The following PLXNA2 variants were observed in gnomAD, a reference collection of about 807,000 sequenced individuals.
PLXNA2 encodes plexin-A2.
Under a neutral mutation model 193.5 loss-of-function variants are expected in PLXNA2, and 91 were observed. That is an observed-to-expected ratio of 0.47 (90% CI 0.40 to 0.56). PLXNA2 has a LOEUF of 0.56. PLXNA2 is among the 20% of genes least tolerant of loss of function. The probability of loss-of-function intolerance (pLI) is 0.00; values close to 1 mark genes in which losing one functional copy is unlikely to be tolerated. For synonymous variants in PLXNA2, 997 were observed against 1,027.3 expected, an observed-to-expected ratio of 0.97 and a Z score of 0.56; for missense variants, 1,995 against 2,503.2, an observed-to-expected ratio of 0.80 and a Z score of 4.33.
At chr1:208,122,317 T>A (rs1422838604) in intron 4 of PLXNA2, among the ~76,000 whole-genome samples, 1 of 152,192 alleles carries the variant, frequency 6.6e-6, no homozygotes, top group African/African-American at 2.4e-5. Flanking sequence ...TCTATCATGC[T>A]TTGGAGAATA....
chr1:208,122,211 C>G (rs538898890), intron 4 of PLXNA2, among the ~76,000 whole-genome samples: 1 of 152,218 alleles, frequency 6.6e-6, no homozygotes, highest in Non-Finnish European at 1.5e-5. Flanking sequence ...ATCAGACCAA[C>G]AGATGAGATC....
At chr1:208,046,442 GGAAGA>G (rs1465116993) in intron 17 of PLXNA2, among the ~76,000 whole-genome samples, 13 of 152,226 alleles carry the variant, frequency 8.5e-5, no homozygotes, top group African/African-American at 3.1e-4. Flanking sequence ...ATCTAGTCCT[GGAAGA>G]GGGCCTGGGG....
At chr1:208,118,128 A>G (rs1482233012) in intron 4 of PLXNA2, among the ~76,000 whole-genome samples, 3 of 152,214 alleles carry the variant, frequency 2.0e-5, no homozygotes, top group African/African-American at 7.2e-5. Flanking sequence ...CCTCACTAGC[A>G]TATTGTCATG....
intron 1 of PLXNA2, among the ~76,000 whole-genome samples, chr1:208,234,609 C>T (rs143351427): frequency 1.1e-4 from 16 of 152,294 alleles, no homozygotes; most frequent in African/African-American, 3.9e-4. Flanking sequence ...TCCCTGAGCC[C>T]CAGCGTCCAG....
chr1:208,033,020 A>C (rs1027858450), intron 28 of PLXNA2, among the ~76,000 whole-genome samples: 9 of 145,790 alleles, frequency 6.2e-5, no homozygotes, highest in Admixed American at 3.5e-4. Flanking sequence ...GAACTGGACT[A>C]TCTCTCTCTC....
chr1:208,163,008 T>A (rs1669180024), intron 3 of PLXNA2, among the ~76,000 whole-genome samples: 1 of 152,130 alleles, frequency 6.6e-6, no homozygotes, highest in Non-Finnish European at 1.5e-5. Flanking sequence ...TGATATAACT[T>A]AAACCTGAAA....
chr1:208,174,459 G>T (rs928254653), intron 3 of PLXNA2, among the ~76,000 whole-genome samples: 1 of 152,110 alleles, frequency 6.6e-6, no homozygotes, highest in Non-Finnish European at 1.5e-5. Context: ...AGAAGGCATT[G>T]TCAAACTCTC....
At chr1:208,058,979 T>G (rs1405805132) in intron 13 of PLXNA2, among the ~76,000 whole-genome samples, 1 of 152,154 alleles carries the variant, frequency 6.6e-6, no homozygotes, top group Non-Finnish European at 1.5e-5. Context: ...TGCCCAGGAA[T>G]TTGCACTTCT....
Position 208,043,544 on chromosome 1 carries a change from G to C in PLXNA2, c.3875-341C>G, listed in dbSNP as rs57009092. Among the ~76,000 whole-genome samples, 1,242 of 152,310 alleles carry C rather than the reference G, an allele frequency of 8.2e-3. 21 individuals are homozygous for C. Among genetic ancestry groups the C allele is most frequent in the African/African-American group, 0.029 (1,203 of 41,568 alleles). ...AGGCAGGTGAGAGACCATGGCTGAG[G>C]GGGTCCAGCAAAGACCAGAACAGGC... On this transcript the variant is annotated intron_variant, in intron 20 of 31. Coordinates refer to ENST00000367033, the MANE Select transcript of PLXNA2 (RefSeq NM_025179.4).
intron 3 of PLXNA2, among the ~76,000 whole-genome samples, chr1:208,187,229 C>T (rs1035322843): frequency 6.6e-6 from 1 of 152,142 alleles, no homozygotes; most frequent in African/African-American, 2.4e-5. Context: ...ATGAAAGGAC[C>T]TGGAGACCCT....
chr1:208,158,920 C>T (rs1669020553), intron 3 of PLXNA2, among the ~76,000 whole-genome samples: 1 of 152,200 alleles, frequency 6.6e-6, no homozygotes, highest in Non-Finnish European at 1.5e-5. Context: ...GCAGTGGGCT[C>T]TATCTCCAGC....
At chr1:208,085,856 TG>T (rs1343888292) in intron 9 of PLXNA2, among the ~76,000 whole-genome samples, 1 of 152,250 alleles carries the variant, frequency 6.6e-6, no homozygotes, top group Non-Finnish European at 1.5e-5. Context: ...CCTTTGAACA[TG>T]CTTTTCCGTC....
At chr1:208,046,417 C>A (rs557199191) in intron 17 of PLXNA2, among the ~76,000 whole-genome samples, 2 of 152,148 alleles carry the variant, frequency 1.3e-5, no homozygotes, top group East Asian at 1.9e-4. Context: ...GGAGGGAAGA[C>A]AAAGAAGCAT....
chr1:208,030,914 G>A (rs993970310), intron 29 of PLXNA2: 200 of 985,852 alleles, frequency 2.0e-4, no homozygotes, highest in Non-Finnish European at 2.2e-4. Flanking sequence ...TCATACCAGG[G>A]GCCTGAGGGC....
chr1:208,116,786 C>T (rs1007167984), intron 4 of PLXNA2, among the ~76,000 whole-genome samples: 6 of 152,140 alleles, frequency 3.9e-5, no homozygotes, highest in African/African-American at 1.2e-4. Flanking sequence ...GTGCAGACTG[C>T]CATACAATTT....
intron 4 of PLXNA2, among the ~76,000 whole-genome samples, chr1:208,112,618 C>A (rs1667516918): frequency 6.6e-6 from 1 of 152,206 alleles, no homozygotes; most frequent in East Asian, 1.9e-4. Context: ...TGGCTTTGCT[C>A]TTCTATGATG....
At chr1:208,070,123 A>G (rs1490278692) in intron 12 of PLXNA2, among the ~76,000 whole-genome samples, 2 of 152,236 alleles carry the variant, frequency 1.3e-5, no homozygotes, top group Non-Finnish European at 2.9e-5. Flanking sequence ...CACCATGAGA[A>G]TGCATGCCCT....
At chr1:208,040,866 A>T (rs1171620178) in intron 22 of PLXNA2, among the ~76,000 whole-genome samples, 1 of 152,154 alleles carries the variant, frequency 6.6e-6, no homozygotes, top group East Asian at 1.9e-4. Flanking sequence ...TTCCCATCCC[A>T]GGGCTACAGA....
At chr1:208,218,756 C>A (rs1671227522) in intron 1 of PLXNA2, among the ~76,000 whole-genome samples, 1 of 152,238 alleles carries the variant, frequency 6.6e-6, no homozygotes, top group Non-Finnish European at 1.5e-5. Flanking sequence ...CCTCGGGAGA[C>A]AGGCAGATCT....
Sources: allele counts gnomAD v4.1 joint callset (sites outside exome capture counted in the v4.1 genomes callset), GRCh38; gene constraint gnomAD v4.1.1; transcripts MANE v1.5; gene names NCBI Gene and HGNC (gene_info 2026-07-23, HGNC 2026-07-21).